GRM7: variants seen among roughly 807,000 people sequenced by gnomAD.
GRM7 encodes the protein glutamate metabotropic receptor 7.
GRM7 carries 35 observed loss-of-function variants against 84.5 expected under a neutral mutation model. The ratio of observed to expected loss-of-function variants is 0.41; its 90% CI spans 0.32 to 0.55. GRM7 has a LOEUF of 0.55. GRM7 is among the 20% of genes least tolerant of loss of function. The pLI, the probability that GRM7 is intolerant of heterozygous loss-of-function variation, is 0.19. For synonymous variants in GRM7, 487 were observed against 455.1 expected (o/e 1.07, Z -0.89); for missense variants, 1,003 against 1,194.6 (o/e 0.84, Z 2.36).
At chr3:7,146,965 A>C (rs1694130389) in intron 2 of GRM7, among the ~76,000 whole-genome samples, 1 of 152,116 alleles carries the variant, frequency 6.6e-6, no homozygotes, top group South Asian at 2.1e-4. Context: ...TGTGTATGAA[A>C]ACGTGGGAAA....
At chr3:7,393,359 G>A (rs1025218580) in intron 4 of GRM7, among the ~76,000 whole-genome samples, 2 of 152,134 alleles carry the variant, frequency 1.3e-5, no homozygotes, top group African/African-American at 4.8e-5. Context: ...TTGTATACCA[G>A]GCATGAGGCC....
chr3:7,034,085 C>G (rs575795508), intron 1 of GRM7, among the ~76,000 whole-genome samples: 1 of 151,990 alleles, frequency 6.6e-6, no homozygotes, highest in South Asian at 2.1e-4. Flanking sequence ...AAGAGACATA[C>G]AAAGTATATA....
At chr3:6,989,122 A>G (rs1351799583) in intron 1 of GRM7, among the ~76,000 whole-genome samples, 1 of 152,212 alleles carries the variant, frequency 6.6e-6, no homozygotes, top group Non-Finnish European at 1.5e-5. Context: ...GCAACTATAA[A>G]TTGACAACAG....
chr3:7,107,825 T>C (rs1692707131), intron 1 of GRM7, among the ~76,000 whole-genome samples: 1 of 152,026 alleles, frequency 6.6e-6, no homozygotes, highest in Admixed American at 6.6e-5. Flanking sequence ...GAAAATTAGA[T>C]TTGTTAATTA....
At position 7,461,721 on chromosome 3, in the gene GRM7, A is replaced by C; in HGVS notation, c.1514A>C (p.Asn505Thr). 1 of 1,613,662 alleles carries C rather than the reference A, an allele frequency of 6.2e-7. No homozygotes were observed. The highest frequency in any genetic ancestry group is 2.2e-5 in the East Asian group (1 of 44,856). ...IGQWTDELQL[N>T]IEDMQWGKGV... ...CAGTGGACAGACGAACTTCAGCTCA[A>C]TGTGAGTTCTGCTTGCTTCTCTTCT... Residue 505 changes from asparagine to threonine, a missense_variant and splice_region_variant, in exon 7 of 10, where the codon AAT (asparagine) becomes ACT (threonine). By Grantham distance (65) the Asn-to-Thr change is moderately conservative (BLOSUM62 0). Coordinates refer to ENST00000357716, the MANE Select transcript of GRM7 (RefSeq NM_000844.4).
chr3:7,260,673 TTGTG>T (rs71063292), intron 2 of GRM7, among the ~76,000 whole-genome samples: 39 of 144,522 alleles, frequency 2.7e-4, no homozygotes, highest in South Asian at 9.2e-4. Flanking sequence ...TTCTTTTGAA[TTGTG>T]TGTGTGTGTG....
intron 1 of GRM7, among the ~76,000 whole-genome samples, chr3:6,987,804 C>T (rs1435596966): frequency 6.6e-6 from 1 of 152,042 alleles, no homozygotes; most frequent in South Asian, 2.1e-4. Context: ...AACAGAGAGA[C>T]CAGGAAGGTG....
intron 5 of GRM7, among the ~76,000 whole-genome samples, chr3:7,421,593 G>A (rs912199437): frequency 5.3e-5 from 8 of 151,714 alleles, no homozygotes; most frequent in East Asian, 1.9e-4. Context: ...CTGATCCTTC[G>A]GCGTGCATGA....
Position 7,716,251 on chromosome 3 carries a change from C to A in GRM7, c.2699-24106C>A, listed in dbSNP as rs538916629. On this transcript the variant is annotated intron_variant, in intron 9 of 9. Transcript: ENST00000357716. Reference sequence around the variant, plus strand: ...TGGCACACAAGCTGTCTCCTTCTTACAATCCATTCTAAAGCATCTACTCCT... The same window carrying A: ...TGGCACACAAGCTGTCTCCTTCTTAAAATCCATTCTAAAGCATCTACTCCT... Among the ~76,000 whole-genome samples, 10 of 152,286 alleles carry A rather than the reference C, an allele frequency of 6.6e-5. No homozygotes were observed. In the South Asian group the frequency reaches 2.1e-3, roughly 32 times the overall value.
chr3:7,018,743 A>C (rs756135044), intron 1 of GRM7, among the ~76,000 whole-genome samples: 1 of 152,226 alleles, frequency 6.6e-6, no homozygotes, highest in Non-Finnish European at 1.5e-5. Context: ...GTGGCACAAG[A>C]GATGTCCTAT....
At chr3:7,199,517 G>C (rs1347595223) in intron 2 of GRM7, among the ~76,000 whole-genome samples, 2 of 152,232 alleles carry the variant, frequency 1.3e-5, no homozygotes, top group Non-Finnish European at 2.9e-5. Context: ...CACTGCAGCA[G>C]TTGTCTTCTA....
chr3:7,411,851 AG>A (rs1341147275), intron 4 of GRM7, among the ~76,000 whole-genome samples: 5 of 152,166 alleles, frequency 3.3e-5, no homozygotes, highest in Non-Finnish European at 5.9e-5. Flanking sequence ...AATGCATATT[AG>A]CAATGTTAGT....
intron 1 of GRM7, among the ~76,000 whole-genome samples, chr3:7,073,356 A>C (rs1438582954): frequency 6.6e-6 from 1 of 152,080 alleles, no homozygotes; most frequent in African/African-American, 2.4e-5. Context: ...CTTGAAAATA[A>C]TGGTTCACAT....
intron 8 of GRM7, among the ~76,000 whole-genome samples, chr3:7,646,413 C>T (rs113866983): frequency 0.013 from 1,984 of 152,014 alleles, 41 homozygotes; most frequent in African/African-American, 0.045. Context: ...AGGCTGGTCT[C>T]GAACTCCTGA....
intron 9 of GRM7, among the ~76,000 whole-genome samples, chr3:7,719,681 A>G (rs1701875428): frequency 6.6e-6 from 1 of 151,748 alleles, no homozygotes; most frequent in Non-Finnish European, 1.5e-5. Flanking sequence ...GCGTGGTGGC[A>G]GGCACATGTA....
At chr3:6,930,970 G>A (rs1016290698) in intron 1 of GRM7, among the ~76,000 whole-genome samples, 2 of 152,106 alleles carry the variant, frequency 1.3e-5, no homozygotes, top group African/African-American at 4.8e-5. Context: ...CAGTTACTGG[G>A]ATGCCCCATC....
At chr3:7,131,713 G>A (rs1274728099) in intron 1 of GRM7, among the ~76,000 whole-genome samples, 1 of 151,996 alleles carries the variant, frequency 6.6e-6, no homozygotes, top group African/African-American at 2.4e-5. Flanking sequence ...TCTTGACCTC[G>A]TGATCCACCC....
chr3:7,418,345 C>T (rs941384011), intron 5 of GRM7, among the ~76,000 whole-genome samples: 3 of 152,098 alleles, frequency 2.0e-5, no homozygotes, highest in Non-Finnish European at 4.4e-5. Flanking sequence ...AATCACTCAG[C>T]GTGAAATGCA....
chr3:7,478,455 A>G (rs1699008521), intron 7 of GRM7, among the ~76,000 whole-genome samples: 1 of 152,216 alleles, frequency 6.6e-6, no homozygotes, highest in African/African-American at 2.4e-5. Flanking sequence ...TTGCAAAGGA[A>G]GGAGAGAGAA....
Sources: gnomAD v4.1 joint callset for allele counts (sites outside exome capture counted in the v4.1 genomes callset) on GRCh38, gnomAD v4.1.1 for gene constraint, MANE v1.5 for transcripts, NCBI Gene and HGNC (gene_info 2026-07-23, HGNC 2026-07-21) for gene names.